The following SLC35D4 variants were observed in gnomAD, a reference collection of about 807,000 sequenced individuals.
The protein encoded by SLC35D4 is UDP-N-acetylglucosamine transporter SLC35D4.
At chr18:23,251,305 G>T in the SLC35D4 span, among the ~76,000 whole-genome samples, 3 of 152,298 alleles carry the variant, frequency 2.0e-5, no homozygotes, top group African/African-American at 7.2e-5. Context: ...ACAAAAATTA[G>T]CTGGGCAAGG....
chr18:23,299,812 T>C, the SLC35D4 span, among the ~76,000 whole-genome samples: 8 of 152,286 alleles, frequency 5.3e-5, no homozygotes, highest in Non-Finnish European at 1.0e-4. Context: ...ACAATGGGGA[T>C]GGAGGAGAGG....
chr18:23,373,014 A>G, the SLC35D4 span, among the ~76,000 whole-genome samples: 2 of 152,136 alleles, frequency 1.3e-5, no homozygotes, highest in African/African-American at 4.8e-5. Context: ...AGGATAATAA[A>G]ATAAAAATCA....
the SLC35D4 span, among the ~76,000 whole-genome samples, chr18:23,338,419 G>T: frequency 1.3e-5 from 2 of 152,150 alleles, no homozygotes; most frequent in African/African-American, 2.4e-5. Context: ...AGTCAAGGAA[G>T]ACCTGCCAAC....
At chr18:23,365,609 A>G in the SLC35D4 span, 1 of 1,612,670 alleles carries the variant, frequency 6.2e-7, no homozygotes, top group Middle Eastern at 1.6e-4. Context: ...ACAGACAAAC[A>G]AAACAACACT....
the SLC35D4 span, among the ~76,000 whole-genome samples, chr18:23,405,023 A>C: frequency 7.6e-6 from 1 of 131,572 alleles, no homozygotes; most frequent in Admixed American, 8.2e-5. Context: ...AAAAAAAAAA[A>C]CAGGCCCAAG....
the SLC35D4 span, among the ~76,000 whole-genome samples, chr18:23,278,855 G>GA: frequency 6.6e-6 from 1 of 151,282 alleles, no homozygotes; most frequent in African/African-American, 2.4e-5. Context: ...AAATTAAAAC[G>GA]AAAAAAATAT....
At chr18:23,437,921 CGCAGCAGCAGCAGCGGCA>C in the SLC35D4 span, 1 of 1,526,436 alleles carries the variant, frequency 6.6e-7, no homozygotes, top group Non-Finnish European at 8.9e-7. Flanking sequence ...GCCCGACCCC[CGCAGCAGCAGCAGCGGCA>C]GCGGCAGCAG....
At chr18:23,249,300 A>C in the SLC35D4 span, among the ~76,000 whole-genome samples, 1 of 152,184 alleles carries the variant, frequency 6.6e-6, no homozygotes, top group East Asian at 1.9e-4. Flanking sequence ...AGGAGGTTGG[A>C]TGTTCAGATA....
the SLC35D4 span, among the ~76,000 whole-genome samples, chr18:23,375,963 G>A: frequency 3.9e-5 from 6 of 152,166 alleles, no homozygotes; most frequent in Admixed American, 1.3e-4. Flanking sequence ...AAAAGAAGGC[G>A]CCAGAAAGCA....
At chr18:23,352,158 C>T in the SLC35D4 span, 8 of 1,558,496 alleles carry the variant, frequency 5.1e-6, no homozygotes, top group East Asian at 2.3e-5. Context: ...GATACACAGG[C>T]TCTTGAGAGA....
chr18:23,267,346 C>T, the SLC35D4 span, among the ~76,000 whole-genome samples: 1 of 152,248 alleles, frequency 6.6e-6, no homozygotes, highest in South Asian at 2.1e-4. Flanking sequence ...GCCAAGCCCA[C>T]GCTCCTCTCA....
At chr18:23,433,551 G>C in the SLC35D4 span, among the ~76,000 whole-genome samples, 1 of 152,288 alleles carries the variant, frequency 6.6e-6, no homozygotes, top group East Asian at 1.9e-4. Flanking sequence ...CCAAAGGATG[G>C]AGGAACACGT....
chr18:23,324,175 AAAG>A, the SLC35D4 span, among the ~76,000 whole-genome samples: 1 of 152,142 alleles, frequency 6.6e-6, no homozygotes. Context: ...CCAGGTGCAC[AAAG>A]AAGAGTTCAT....
the SLC35D4 span, among the ~76,000 whole-genome samples, chr18:23,291,295 G>A: frequency 6.6e-6 from 1 of 152,202 alleles, no homozygotes; most frequent in African/African-American, 2.4e-5. Context: ...AGAGTTCAAG[G>A]GTCTCAGAGG....
the SLC35D4 span, among the ~76,000 whole-genome samples, chr18:23,274,998 C>T: frequency 3.3e-4 from 13 of 38,816 alleles, no homozygotes; most frequent in African/African-American, 2.2e-3. Flanking sequence ...TGTGTGTGAG[C>T]GTGCTTGTGT....
the SLC35D4 span, among the ~76,000 whole-genome samples, chr18:23,347,113 T>C: frequency 9.8e-5 from 15 of 152,360 alleles, no homozygotes; most frequent in South Asian, 3.1e-3. Flanking sequence ...ATAGAATTCA[T>C]CAATAAAGCC....
the SLC35D4 span, among the ~76,000 whole-genome samples, chr18:23,358,115 G>A: frequency 6.6e-6 from 1 of 152,236 alleles, no homozygotes; most frequent in African/African-American, 2.4e-5. Context: ...GCAAAGTGGA[G>A]GGAGAGTCTG....
the SLC35D4 span, among the ~76,000 whole-genome samples, chr18:23,409,545 A>T: frequency 6.6e-6 from 1 of 152,200 alleles, no homozygotes; most frequent in African/African-American, 2.4e-5. Flanking sequence ...ACAGATCAAA[A>T]ATATTAGGAA....
the SLC35D4 span, among the ~76,000 whole-genome samples, chr18:23,286,707 C>A: frequency 6.7e-6 from 1 of 148,328 alleles, no homozygotes; most frequent in South Asian, 2.1e-4. Context: ...TAGGTATTGA[C>A]GGCCAGGCTT....
Sources: allele counts gnomAD v4.1 joint callset (sites outside exome capture counted in the v4.1 genomes callset), GRCh38; gene constraint gnomAD v4.1.1; transcripts MANE v1.5; gene names NCBI Gene and HGNC (gene_info 2026-07-23, HGNC 2026-07-21).